The following JMJD1C variants were observed in gnomAD, a reference collection of about 807,000 sequenced individuals.
The protein encoded by JMJD1C is jumonji domain containing 1C.
Under a neutral mutation model 245.3 loss-of-function variants are expected in JMJD1C, and 31 were observed. The observed-to-expected ratio is 0.13, with a 90% CI of 0.09 to 0.17. The LOEUF (loss-of-function observed/expected upper bound fraction) is 0.17, where lower values mean the gene tolerates loss of function less well. Among genes scored for constraint, JMJD1C ranks in the 10% least tolerant of loss-of-function variants. The probability of loss-of-function intolerance (pLI) is 1.00; values close to 1 mark genes in which losing one functional copy is unlikely to be tolerated. For synonymous variants in JMJD1C, 1,057 were observed against 1,017.4 expected, an observed-to-expected ratio of 1.04 and a Z score of -0.74; for missense variants, 2,691 against 3,000.2, an observed-to-expected ratio of 0.90 and a Z score of 2.41.
intron 3 of JMJD1C, among the ~76,000 whole-genome samples, chr10:63,260,950 C>T (rs1052838992): frequency 6.6e-6 from 1 of 152,084 alleles, no homozygotes; most frequent in African/African-American, 2.4e-5. Context: ...CCTCCTTCTT[C>T]CCAGCTAGCT....
chr10:63,194,569 G>A (rs1160889149), intron 13 of JMJD1C, 194 bp from the exon 14 acceptor site: 5 of 446,308 alleles, frequency 1.1e-5, no homozygotes, highest in Admixed American at 3.5e-5. Flanking sequence ...AAACAAGTCA[G>A]GAAAAACAGT....
At chr10:63,481,102 TCAA>T (rs1953816926) in intron 1 of JMJD1C, among the ~76,000 whole-genome samples, 4 of 152,226 alleles carry the variant, frequency 2.6e-5, no homozygotes, top group African/African-American at 9.6e-5. Flanking sequence ...TTTACTAAAT[TCAA>T]CTTCTACCTG....
intron 3 of JMJD1C, among the ~76,000 whole-genome samples, chr10:63,263,530 A>C (rs1341565313): frequency 6.6e-6 from 1 of 152,238 alleles, no homozygotes; most frequent in African/African-American, 2.4e-5. Flanking sequence ...GAAAAAATTT[A>C]AACTGGTTCA....
At chr10:63,230,350 C>T (rs1378515137) in intron 3 of JMJD1C, among the ~76,000 whole-genome samples, 1 of 152,056 alleles carries the variant, frequency 6.6e-6, no homozygotes, top group African/African-American at 2.4e-5. Context: ...CCAGCCTGGG[C>T]AACAGAGCAA....
intron 3 of JMJD1C, among the ~76,000 whole-genome samples, chr10:63,238,158 G>A (rs549114691): frequency 1.4e-5 from 2 of 140,084 alleles, no homozygotes; most frequent in Non-Finnish European, 3.0e-5. Flanking sequence ...TCCAGCCTGG[G>A]TGACAGTGTG....
intron 1 of JMJD1C, among the ~76,000 whole-genome samples, chr10:63,517,496 A>G (rs78023800): frequency 0.012 from 1,836 of 152,274 alleles, 20 homozygotes; most frequent in East Asian, 0.048. Flanking sequence ...CTCCTGTGAG[A>G]ATGTCCTTTG....
chr10:63,220,832 G>A (rs967082094), intron 3 of JMJD1C, among the ~76,000 whole-genome samples: 5 of 152,208 alleles, frequency 3.3e-5, no homozygotes, highest in South Asian at 4.1e-4. Flanking sequence ...GGCAGGGCCG[G>A]GCGCGGTGGC....
rs1279531277 is a variant in JMJD1C, at chr10:63,362,211, C to T, written c.333+18107G>A. Among the ~76,000 whole-genome samples, 4 of 146,706 alleles carry T rather than the reference C, an allele frequency of 2.7e-5. No homozygotes were observed. In the East Asian group the frequency reaches 5.9e-4, roughly 22 times the overall value. On this transcript the variant is annotated intron_variant, in intron 2 of 25. Coordinates refer to ENST00000399262, the MANE Select transcript of JMJD1C (RefSeq NM_032776.3). ...AATCATGACACTGCACTCCAGCACGCGCAACAGAGTGAGACTGCATCTCTA... is the reference window on the plus strand; with the variant it reads ...AATCATGACACTGCACTCCAGCACGTGCAACAGAGTGAGACTGCATCTCTA...
chr10:63,431,587 C>T (rs540568828), intron 1 of JMJD1C, among the ~76,000 whole-genome samples: 15 of 152,256 alleles, frequency 9.9e-5, no homozygotes, highest in South Asian at 2.1e-4. Flanking sequence ...GATAATATGA[C>T]GTAATTCTGG....
chr10:63,203,740 T>A (rs756319952), intron 10 of JMJD1C: 5 of 977,886 alleles, frequency 5.1e-6, no homozygotes, highest in Non-Finnish European at 6.1e-6. Flanking sequence ...ATCTATTATA[T>A]CTAGCTTTAA....
intron 2 of JMJD1C, among the ~76,000 whole-genome samples, chr10:63,353,568 T>G (rs1460510183): frequency 6.6e-6 from 1 of 152,146 alleles, no homozygotes; most frequent in Non-Finnish European, 1.5e-5. Flanking sequence ...CAGGCTGGAG[T>G]GCAGTGGCGT....
chr10:63,404,205 T>A (rs555525706), intron 1 of JMJD1C, among the ~76,000 whole-genome samples: 1 of 152,172 alleles, frequency 6.6e-6, no homozygotes, highest in South Asian at 2.1e-4. Context: ...TGCACTGTAA[T>A]GAAACGTTAA....
chr10:63,213,687 G>C lies in JMJD1C; in HGVS notation c.2480C>G (p.Ala827Gly), dbSNP rs376459102. Residue 827 changes from alanine (A) to glycine (G), a missense_variant, in exon 8 of 26, where the codon GCG becomes GGG. This residue lies in a region of JMJD1C where 1,562 missense variants were observed against 1,490.7 expected (regional missense o/e 1.05). Coordinates refer to ENST00000399262, the MANE Select transcript of JMJD1C (RefSeq NM_032776.3). The part of the protein sequence containing the change: ...SAHASSLSHL[A>G]LAHQQQQQLL... ...CTGTTGTTGTTGCTGGTGTGCTAGC[G>C]CTAAGTGGCTCAAGCTGCTGGCATG... 1.2e-6 allele frequency: 2 copies of C among 1,614,192 alleles called. No individual in the cohort carries two copies. The highest frequency in any genetic ancestry group is 1.7e-6 in the Non-Finnish European group (2 of 1,180,022).
intron 3 of JMJD1C, among the ~76,000 whole-genome samples, chr10:63,242,052 A>G (rs1430353817): frequency 6.6e-6 from 1 of 152,182 alleles, no homozygotes; most frequent in Non-Finnish European, 1.5e-5. Context: ...ATTAAGAGAA[A>G]AGGAGGAAGC....
chr10:63,276,165 C>T (rs1856748890), intron 2 of JMJD1C, among the ~76,000 whole-genome samples: 1 of 152,018 alleles, frequency 6.6e-6, no homozygotes, highest in African/African-American at 2.4e-5. Flanking sequence ...ATTGCCAAGA[C>T]ATTAGAGATA....
chr10:63,268,933 G>T (rs1008540580), intron 2 of JMJD1C: 1 of 985,744 alleles, frequency 1.0e-6, no homozygotes, highest in Non-Finnish European at 1.2e-6. Context: ...AGCAAATGAC[G>T]ATTTTCTGTC....
chr10:63,277,731 C>CTTTTTTTCTTTTT (rs1856945263), intron 2 of JMJD1C, among the ~76,000 whole-genome samples: 1 of 64,264 alleles, frequency 1.6e-5, no homozygotes, highest in Non-Finnish European at 2.6e-5. Context: ...ATTTGCATTT[C>CTTTTTTTCTTTTT]TTTTTTTTTT....
In JMJD1C at chr10:63,475,657, G is replaced by A. The variant is rs544245079; in HGVS notation, n.113+46081C>T. Among the ~76,000 whole-genome samples the A allele has an allele frequency of 3.3e-5, 5 of 152,242 alleles. No homozygotes were observed. In the South Asian group the frequency reaches 1.0e-3, roughly 32 times the overall value. On this transcript the variant is annotated intron_variant and non_coding_transcript_variant, in intron 1 of 3. Coordinates refer to the JMJD1C transcript ENST00000633035. The stretch of plus-strand genomic sequence containing the variant: ...AGACTAATACTGGTCTAGAACAAAA[G>A]AGAAAGCTCAATTCCTACCACCACA...
intron 2 of JMJD1C, among the ~76,000 whole-genome samples, chr10:63,292,144 A>ATTTTTTTTTGTTTTTT (rs1858840375): frequency 1.8e-5 from 1 of 56,326 alleles, no homozygotes; most frequent in African/African-American, 7.4e-5. Context: ...GTAGAGACAG[A>ATTTTTTTTTGTTTTTT]TTTTTTTTTT....
Sources: gnomAD v4.1 joint callset for allele counts (sites outside exome capture counted in the v4.1 genomes callset) on GRCh38, gnomAD v4.1.1 for gene constraint, gnomAD v4.1.1 regional missense constraint, MANE v1.5 for transcripts, NCBI Gene and HGNC (gene_info 2026-07-23, HGNC 2026-07-21) for gene names.